Variants in CCDC13 observed in about 807,000 individuals in gnomAD.
CCDC13 encodes the protein coiled-coil domain-containing protein 13.
A neutral mutation model predicts 87.3 loss-of-function variants in CCDC13; 70 were observed. The observed-to-expected ratio is 0.80, with a 90% CI of 0.66 to 0.98. CCDC13 has a LOEUF of 0.98. CCDC13 is among the 50% of genes least tolerant of loss of function. The pLI, the probability that CCDC13 is intolerant of heterozygous loss-of-function variation, is 0.00. For missense variants in CCDC13, 842 were observed against 892.0 expected (o/e 0.94, Z 0.71); for synonymous variants, 317 against 360.3 (o/e 0.88, Z 1.36).
At chr3:42,769,945 T>C (rs1700024720) in intron 1 of CCDC13, among the ~76,000 whole-genome samples, 1 of 152,140 alleles carries the variant, frequency 6.6e-6, no homozygotes, top group African/African-American at 2.4e-5. Flanking sequence ...TGCCTGAGCC[T>C]CCCCCTGCCA....
At chr3:42,729,762 A>G (rs1375576404) in intron 13 of CCDC13, among the ~76,000 whole-genome samples, 1 of 152,200 alleles carries the variant, frequency 6.6e-6, no homozygotes, top group African/African-American at 2.4e-5. Flanking sequence ...CTTTCACTGA[A>G]TTCAGCCAGA....
chr3:42,725,900 C>T (rs1407576025), intron 13 of CCDC13, among the ~76,000 whole-genome samples: 7 of 151,860 alleles, frequency 4.6e-5, no homozygotes, highest in South Asian at 2.1e-4. Flanking sequence ...AGGGGAGAGC[C>T]GACAGACATT....
At chr3:42,730,360 T>C in intron 13 of CCDC13, 107 bp downstream of exon 13, 1 of 1,480,280 alleles carries the variant, frequency 6.8e-7, no homozygotes, top group Non-Finnish European at 9.1e-7. Context: ...GGACCAACAC[T>C]GGGAGCCGAG....
intron 9 of CCDC13, among the ~76,000 whole-genome samples, chr3:42,737,143 T>G (rs1699050793): frequency 6.8e-6 from 1 of 147,950 alleles, no homozygotes; most frequent in South Asian, 2.3e-4. Context: ...AATTCCCACC[T>G]ATGAGTGAGA....
intron 1 of CCDC13, among the ~76,000 whole-genome samples, chr3:42,772,301 A>T (rs369814266): frequency 1.6e-4 from 14 of 88,440 alleles, no homozygotes; most frequent in South Asian, 1.3e-3. Context: ...GTAATAATAA[A>T]AAAAATAAAG....
intron 13 of CCDC13, chr3:42,719,382 C>CCTCTCT (rs71072728): frequency 9.5e-5 from 5 of 52,404 alleles, no homozygotes; most frequent in South Asian, 1.1e-3. Context: ...GCAGTGCTTT[C>CCTCTCT]CTCTCTCTCT....
At chr3:42,771,463 A>C (rs533750184) in intron 1 of CCDC13, among the ~76,000 whole-genome samples, 2 of 152,322 alleles carry the variant, frequency 1.3e-5, no homozygotes, top group South Asian at 4.1e-4. Context: ...AACCTTAAGC[A>C]ATGAACACTG....
chr3:42,709,908 T>C, intron 14 of CCDC13, 110 bp from the exon 15 acceptor site: 2 of 823,734 alleles, frequency 2.4e-6, no homozygotes, highest in South Asian at 1.5e-5. Context: ...GGTGAAACGC[T>C]ACACCGCCTT....
intron 1 of CCDC13, among the ~76,000 whole-genome samples, chr3:42,772,918 A>G (rs986070253): frequency 6.6e-5 from 10 of 152,244 alleles, no homozygotes; most frequent in African/African-American, 2.4e-4. Flanking sequence ...ACTTTGGGGC[A>G]GGCGACCCAC....
intron 4 of CCDC13, 47 bp downstream of exon 4, chr3:42,752,528 C>T: frequency 6.2e-7 from 1 of 1,610,714 alleles, no homozygotes; most frequent in Non-Finnish European, 8.5e-7. Flanking sequence ...TCCCTCTTGC[C>T]CATGCTAGGA....
At chr3:42,761,211 G>A (rs1348932711) in intron 1 of CCDC13, among the ~76,000 whole-genome samples, 2 of 152,078 alleles carry the variant, frequency 1.3e-5, no homozygotes, top group East Asian at 1.9e-4. Flanking sequence ...TTCCATAAAT[G>A]TCCTAAAATC....
chr3:42,748,401 T>C lies in CCDC13; in HGVS notation c.604-1028A>G, dbSNP rs369982109. On this transcript the variant is annotated intron_variant, in intron 5 of 15. Transcript: ENST00000310232. The stretch of plus-strand genomic sequence containing the variant: ...GGCATTGTGGCCACAGGAACGTTGG[T>C]TGTCAGGCTGAGCATCCCATCAGGC... Among the ~76,000 whole-genome samples, 79 of 152,344 alleles carry C rather than the reference T, an allele frequency of 5.2e-4. No homozygotes were observed. In the East Asian group the frequency reaches 0.013, roughly 25 times the overall value.
At chr3:42,759,937 G>C (rs555380317) in intron 1 of CCDC13, among the ~76,000 whole-genome samples, 1 of 152,162 alleles carries the variant, frequency 6.6e-6, no homozygotes, top group African/African-American at 2.4e-5. Flanking sequence ...TCCCAGTTGC[G>C]CCATCCTCGT....
intron 9 of CCDC13, among the ~76,000 whole-genome samples, chr3:42,737,991 T>C (rs1237861339): frequency 6.6e-6 from 1 of 152,254 alleles, no homozygotes; most frequent in Admixed American, 6.5e-5. Context: ...TGCCCATGCC[T>C]ATGTCCTGAA....
In CCDC13 at chr3:42,709,724, C is replaced by T. The variant is rs760500767; in HGVS notation, c.1948G>A (p.Asp650Asn). The change falls in exon 15 of 16, where the codon GAT becomes AAT. Residue 650 changes from aspartate (D) to asparagine (N), a missense_variant. By Grantham distance (23) the Asp-to-Asn change is conservative (BLOSUM62 1). Transcript: ENST00000310232. ...TCCATTTGGGATTCCACGGGCACATCGGAGAGCTGGGCAAAGGATGGGTCC... is the reference window on the plus strand; with the variant it reads ...TCCATTTGGGATTCCACGGGCACATTGGAGAGCTGGGCAAAGGATGGGTCC... ...KKDPSFAQLS[D>N]VPVESQMEEL... 19 of 1,614,052 alleles carry T rather than the reference C, an allele frequency of 1.2e-5. No individual in the cohort carries two copies. Among genetic ancestry groups the T allele is most frequent in the South Asian group, 2.2e-5 (2 of 91,086 alleles).
chr3:42,736,642 T>C (rs1699029353), intron 9 of CCDC13, among the ~76,000 whole-genome samples: 1 of 152,056 alleles, frequency 6.6e-6, no homozygotes, highest in African/African-American at 2.4e-5. Flanking sequence ...GGTCACACAG[T>C]GAGATACTGA....
chr3:42,729,849 G>A (rs993793714), intron 13 of CCDC13, among the ~76,000 whole-genome samples: 8 of 152,256 alleles, frequency 5.3e-5, no homozygotes, highest in African/African-American at 1.7e-4. Context: ...ACTCAGTGGT[G>A]TGCTTAATAT....
chr3:42,714,543 T>C (rs1698387488), intron 13 of CCDC13, among the ~76,000 whole-genome samples: 1 of 152,274 alleles, frequency 6.6e-6, no homozygotes, highest in African/African-American at 2.4e-5. Flanking sequence ...GCTTAGGTCC[T>C]TCCTGTGGCT....
In CCDC13 at chr3:42,709,016, C is replaced by A; in HGVS notation, c.2112G>T (p.Leu704=). The A allele has an allele frequency of 6.2e-7, 1 of 1,613,624 alleles. No individual in the cohort carries two copies. Among genetic ancestry groups the A allele is most frequent in the South Asian group, 1.1e-5 (1 of 90,982 alleles). Residue 704 remains leucine, a synonymous_variant, in exon 16 of 16, where the codon CTG becomes CTT. Transcript: ENST00000310232. ...EILGQVKSVF[L]QALRQQKTGK... ...CTGTCTTCTGCTGCCGCAGGGCCTG[C>A]AGGAAGACACTTTTCACCTGGCCCA...
Sources: allele counts gnomAD v4.1 joint callset (sites outside exome capture counted in the v4.1 genomes callset), GRCh38; gene constraint gnomAD v4.1.1; transcripts MANE v1.5; gene names NCBI Gene and HGNC (gene_info 2026-07-23, HGNC 2026-07-21).